The following SVIL variants were observed in gnomAD, a reference collection of about 807,000 sequenced individuals.
SVIL encodes supervillin.
In SVIL, 101 loss-of-function variants were observed where a neutral mutation model predicts 240.4. The observed-to-expected ratio is 0.42, with a 90% CI of 0.36 to 0.50. The LOEUF (loss-of-function observed/expected upper bound fraction) is 0.50. SVIL is among the 20% of genes least tolerant of loss of function. The probability of loss-of-function intolerance (pLI) is 0.01; values close to 1 mark genes in which losing one functional copy is unlikely to be tolerated. For synonymous variants in SVIL, 999 were observed against 1,100.0 expected, an observed-to-expected ratio of 0.91 and a Z score of 1.82; for missense variants, 2,512 against 2,818.7, an observed-to-expected ratio of 0.89 and a Z score of 2.46.
At chr10:29,631,444 C>G (rs1209137325) in intron 1 of SVIL, among the ~76,000 whole-genome samples, 5 of 150,720 alleles carry the variant, frequency 3.3e-5, no homozygotes, top group Non-Finnish European at 7.4e-5. Flanking sequence ...GATTTCGAGA[C>G]CAGCCTGACC....
At chr10:29,549,178 A>C (rs545738639) in intron 6 of SVIL, among the ~76,000 whole-genome samples, 12 of 47,728 alleles carry the variant, frequency 2.5e-4, no homozygotes, top group South Asian at 1.7e-3. Flanking sequence ...AAAAAAAAAA[A>C]CAAACAAACA....
intron 1 of SVIL, among the ~76,000 whole-genome samples, chr10:29,570,481 C>A (rs1014039681): frequency 6.6e-6 from 1 of 152,192 alleles, no homozygotes; most frequent in African/African-American, 2.4e-5. Flanking sequence ...ACATGCCACA[C>A]CACTTCAGTA....
rs1271831771 is a variant in SVIL at position 29,599,599 on chromosome 10, T to C, written c.-200-30287A>G. On this transcript the variant is annotated intron_variant, in intron 1 of 37. Transcript: ENST00000355867. Reference sequence around the variant, plus strand: ...GCCAGCTAATCTTTTGTATTTTTAGTAGAGACGGGGTTTCGCCATGTTAGC... The same window carrying C: ...GCCAGCTAATCTTTTGTATTTTTAGCAGAGACGGGGTTTCGCCATGTTAGC... 2.0e-5 allele frequency among the ~76,000 whole-genome samples: 3 copies of C among 152,162 alleles called. No individual in the cohort carries two copies. The South Asian group carries it at 6.2e-4, about 32-fold the overall frequency.
intron 17 of SVIL, among the ~76,000 whole-genome samples, chr10:29,510,837 G>A (rs1949779204): frequency 8.0e-6 from 1 of 125,050 alleles, no homozygotes; most frequent in East Asian, 2.0e-4. Context: ...ACAGCCGGCG[G>A]GTGACTGAAA....
At chr10:29,494,822 C>A (rs1315389638) in intron 20 of SVIL, 92 bp downstream of exon 20, 3 of 1,336,190 alleles carry the variant, frequency 2.2e-6, no homozygotes, top group Non-Finnish European at 3.1e-6. Context: ...CAGTCTTGAC[C>A]AAAACTTCTT....
At chr10:29,491,576 C>A (rs7094686) in intron 21 of SVIL, among the ~76,000 whole-genome samples, 34,806 of 152,010 alleles carry the variant, frequency 0.23, 6,525 homozygotes, top group African/African-American at 0.51. Context: ...TTTTGGAAGA[C>A]TATATTGAAA....
chr10:29,508,300 T>A, intron 17 of SVIL: 1 of 1,248,936 alleles, frequency 8.0e-7, no homozygotes, highest in Non-Finnish European at 1.0e-6. Context: ...AGTGTAATTC[T>A]GGCCACCATC....
intron 27 of SVIL, 36 bp from the exon 28 acceptor site, chr10:29,481,764 G>A (rs778153045): frequency 1.9e-6 from 3 of 1,600,340 alleles, no homozygotes; most frequent in Non-Finnish European, 2.6e-6. Flanking sequence ...GAACAGACAG[G>A]AAAAGAACCA....
chr10:29,556,511 C>A (rs962808184), intron 3 of SVIL, among the ~76,000 whole-genome samples: 1 of 152,074 alleles, frequency 6.6e-6, no homozygotes, highest in Non-Finnish European at 1.5e-5. Context: ...CCTTGTTTTT[C>A]TTCATTTATT....
chr10:29,558,652 C>T (rs541151510), intron 3 of SVIL, among the ~76,000 whole-genome samples: 1 of 151,670 alleles, frequency 6.6e-6, no homozygotes, highest in African/African-American at 2.4e-5. Context: ...AATAGCCAGG[C>T]ATGGTGGCTC....
intron 1 of SVIL, among the ~76,000 whole-genome samples, chr10:29,590,220 C>A (rs1956338088): frequency 6.7e-6 from 1 of 150,316 alleles, no homozygotes; most frequent in African/African-American, 2.4e-5. Flanking sequence ...TTCCTCCCTT[C>A]CAGCCCCTGG....
At chr10:29,504,983 C>T (rs1455052815) in intron 17 of SVIL, among the ~76,000 whole-genome samples, 9 of 152,244 alleles carry the variant, frequency 5.9e-5, no homozygotes, top group South Asian at 2.1e-4. Context: ...AACTGTGGCA[C>T]GTTCAGATAA....
At chr10:29,507,886 G>T in intron 17 of SVIL, 1 of 540,706 alleles carries the variant, frequency 1.8e-6, no homozygotes, top group Non-Finnish European at 2.4e-6. Flanking sequence ...CAGGGACATG[G>T]GGGAGGGAGA....
At chr10:29,461,569 CCTAT>C (rs767388618) in intron 36 of SVIL, among the ~76,000 whole-genome samples, 1 of 152,112 alleles carries the variant, frequency 6.6e-6, no homozygotes. Context: ...TGGTAAAAAA[CCTAT>C]CTCTCACCAA....
chr10:29,647,624 G>GGGGTGTGTGTGTGTGTGTGTGT (rs148132418), intron 3 of SVIL, among the ~76,000 whole-genome samples: 14 of 151,564 alleles, frequency 9.2e-5, no homozygotes, highest in Admixed American at 8.6e-4. Flanking sequence ...TGCAAATATA[G>GGGGTGTGTGTGTGTGTGTGTGT]GTGTGTGTGT....
chr10:29,726,073 C>T (rs973703950), intron 1 of SVIL, among the ~76,000 whole-genome samples: 2 of 152,220 alleles, frequency 1.3e-5, no homozygotes, highest in Middle Eastern at 3.4e-3. Flanking sequence ...AGGTGTGTGC[C>T]ACCATGCATG....
Position 29,486,179 on chromosome 10 carries a change from G to A in SVIL, c.4685C>T (p.Thr1562Ile). ...DELYEAAIIE[T>I]NCIYRLMDDK... ...ATCCATGAGACGGTAAATGCAGTTA[G>A]TTTCTATTATGGCTGCTTCATAGAG... The change falls in exon 26 of 38, where the codon ACT (threonine) becomes ATT (isoleucine). Residue 1562 changes from threonine (T) to isoleucine (I), a missense_variant. Coordinates refer to ENST00000355867, the MANE Select transcript of SVIL (RefSeq NM_021738.3). The A allele has an allele frequency of 6.2e-7, 1 of 1,614,210 alleles. No homozygotes were observed. Among genetic ancestry groups the A allele is most frequent in the Non-Finnish European group, 8.5e-7 (1 of 1,180,042 alleles).
At chr10:29,582,024 G>A (rs1429806274) in intron 1 of SVIL, among the ~76,000 whole-genome samples, 4 of 152,168 alleles carry the variant, frequency 2.6e-5, no homozygotes, top group Admixed American at 6.6e-5. Context: ...CACATTCAGA[G>A]ACAGATAGTA....
At chr10:29,628,513 G>A (rs1957960164) in intron 1 of SVIL, among the ~76,000 whole-genome samples, 1 of 152,176 alleles carries the variant, frequency 6.6e-6, no homozygotes, top group South Asian at 2.1e-4. Context: ...TCCATGCTCA[G>A]AACGTAATTG....
Sources: allele counts gnomAD v4.1 joint callset (sites outside exome capture counted in the v4.1 genomes callset), GRCh38; gene constraint gnomAD v4.1.1; transcripts MANE v1.5; gene names NCBI Gene and HGNC (gene_info 2026-07-23, HGNC 2026-07-21).